Variants in SYNPR observed in about 807,000 individuals in gnomAD.
SYNPR encodes the protein synaptoporin.
SYNPR carries 23 observed loss-of-function variants against 32.9 expected under a neutral mutation model. The observed-to-expected ratio is 0.70, with a 90% CI of 0.50 to 0.99. The LOEUF is 0.99. Ranked by LOEUF, SYNPR falls within the 50% of genes least tolerant of loss-of-function variation. The pLI, the probability that SYNPR is intolerant of heterozygous loss-of-function variation, is 0.00. For missense variants in SYNPR, 318 were observed against 349.3 expected (o/e 0.91, Z 0.71); for synonymous variants, 146 against 135.9 (o/e 1.07, Z -0.52).
chr3:63,544,357 G>A (rs897677992), intron 3 of SYNPR, among the ~76,000 whole-genome samples: 9 of 151,978 alleles, frequency 5.9e-5, no homozygotes, highest in Non-Finnish European at 1.3e-4. Flanking sequence ...TCTCAAAAAG[G>A]ATTTGTTTAT....
At chr3:63,566,805 A>G (rs1296139225) in intron 4 of SYNPR, among the ~76,000 whole-genome samples, 1 of 152,178 alleles carries the variant, frequency 6.6e-6, no homozygotes, top group Non-Finnish European at 1.5e-5. Flanking sequence ...ATGGGTTATT[A>G]CCCATAAAGC....
chr3:63,389,157 ATTGTAACAAACTTGCACAT>A (rs1311027462), intron 2 of SYNPR, among the ~76,000 whole-genome samples: 1 of 152,200 alleles, frequency 6.6e-6, no homozygotes, highest in Non-Finnish European at 1.5e-5. Context: ...GTAACAGTAT[ATTGTAACAAACTTGCACAT>A]CCTGCACATG....
At chr3:63,543,587 C>G (rs1305926673) in intron 3 of SYNPR, among the ~76,000 whole-genome samples, 1 of 151,988 alleles carries the variant, frequency 6.6e-6, no homozygotes, top group Non-Finnish European at 1.5e-5. Flanking sequence ...TTTTCTTTTA[C>G]AAAGACTTTT....
intron 2 of SYNPR, among the ~76,000 whole-genome samples, chr3:63,445,895 A>C (rs566829789): frequency 6.6e-6 from 1 of 152,270 alleles, no homozygotes; most frequent in Admixed American, 6.5e-5. Context: ...ATTCTGATAC[A>C]AGGTAGTCTC....
chr3:63,334,274 C>A (rs1050110149), intron 2 of SYNPR, among the ~76,000 whole-genome samples: 28 of 152,042 alleles, frequency 1.8e-4, no homozygotes, highest in African/African-American at 6.8e-4. Flanking sequence ...GGCTTTGGCT[C>A]AATACTTAAA....
intron 2 of SYNPR, among the ~76,000 whole-genome samples, chr3:63,388,859 T>C (rs954318092): frequency 6.6e-6 from 1 of 152,172 alleles, no homozygotes; most frequent in Non-Finnish European, 1.5e-5. Context: ...CCAAAGCCCT[T>C]AATTGATACT....
At chr3:63,225,293 A>T (rs2086120237), upstream of SYNPR, among the ~76,000 whole-genome samples, 1 of 152,222 alleles carries the variant, frequency 6.6e-6, no homozygotes, top group Non-Finnish European at 1.5e-5. Context: ...CAGGCCATTC[A>T]TTCCATTGCT....
At chr3:63,461,623 C>T (rs1234146924) in intron 2 of SYNPR, among the ~76,000 whole-genome samples, 1 of 151,894 alleles carries the variant, frequency 6.6e-6, no homozygotes, top group Non-Finnish European at 1.5e-5. Context: ...CAAGTTCTCA[C>T]CCTATGCCAG....
At chr3:63,303,019 CA>C (rs1429029011) in intron 2 of SYNPR, among the ~76,000 whole-genome samples, 2 of 151,514 alleles carry the variant, frequency 1.3e-5, no homozygotes, top group Non-Finnish European at 2.9e-5. Flanking sequence ...AAGTGTACTC[CA>C]AAAAAATTAA....
At chr3:63,517,478 G>T (rs1049530045) in intron 3 of SYNPR, among the ~76,000 whole-genome samples, 1 of 152,228 alleles carries the variant, frequency 6.6e-6, no homozygotes, top group Admixed American at 6.5e-5. Flanking sequence ...GACACTTCTA[G>T]TATAGACATC....
At chr3:63,593,870 C>G (rs780482106) in intron 4 of SYNPR, among the ~76,000 whole-genome samples, 1 of 152,110 alleles carries the variant, frequency 6.6e-6, no homozygotes, top group East Asian at 1.9e-4. Flanking sequence ...GGGAGGAGAA[C>G]AGATCTCCCT....
intron 4 of SYNPR, among the ~76,000 whole-genome samples, chr3:63,566,528 A>G (rs1437692943): frequency 1.3e-5 from 2 of 152,120 alleles, no homozygotes; most frequent in Admixed American, 1.3e-4. Context: ...ACATGAAGTC[A>G]AATAAAACCT....
intron 3 of SYNPR, among the ~76,000 whole-genome samples, chr3:63,511,129 T>C (rs1312819171): frequency 6.6e-6 from 1 of 151,384 alleles, no homozygotes; most frequent in Non-Finnish European, 1.5e-5. Flanking sequence ...TTTTTGGGTA[T>C]TGGGAATCAT....
chr3:63,277,775 A>T (rs1449231455), upstream of SYNPR, among the ~76,000 whole-genome samples: 1 of 151,636 alleles, frequency 6.6e-6, no homozygotes, highest in South Asian at 2.1e-4. Flanking sequence ...GCTCTGCGCC[A>T]CTGTCCAGAC....
At chr3:63,601,688 T>A (rs1013940393) in intron 4 of SYNPR, among the ~76,000 whole-genome samples, 1 of 152,246 alleles carries the variant, frequency 6.6e-6, no homozygotes, top group African/African-American at 2.4e-5. Flanking sequence ...TCATTCTTTT[T>A]TTATGGCTGT....
chr3:63,230,275 C>CT (rs2086157070), intron 1 of SYNPR, among the ~76,000 whole-genome samples: 1 of 152,128 alleles, frequency 6.6e-6, no homozygotes, highest in African/African-American at 2.4e-5. Context: ...GGTCCTGGTC[C>CT]TTTTTAGATA....
intron 4 of SYNPR, among the ~76,000 whole-genome samples, chr3:63,581,988 T>G (rs568942627): frequency 6.6e-6 from 1 of 152,096 alleles, no homozygotes; most frequent in Non-Finnish European, 1.5e-5. Context: ...TGCAAAATGT[T>G]TGCTTCCCAG....
chr3:63,471,077 T>G (rs1204610061), intron 2 of SYNPR, among the ~76,000 whole-genome samples: 5 of 152,206 alleles, frequency 3.3e-5, no homozygotes, highest in African/African-American at 1.2e-4. Context: ...ATTCCCCAGT[T>G]GATGGCATGA....
chr3:63,580,682 T>C (rs1703074466), intron 4 of SYNPR, among the ~76,000 whole-genome samples: 1 of 152,166 alleles, frequency 6.6e-6, no homozygotes. Context: ...GCATTCAGCA[T>C]GCATGGTCTC....
Sources: gnomAD v4.1 joint callset for allele counts (sites outside exome capture counted in the v4.1 genomes callset) on GRCh38, gnomAD v4.1.1 for gene constraint, MANE v1.5 for transcripts, NCBI Gene and HGNC (gene_info 2026-07-23, HGNC 2026-07-21) for gene names.